The following PDE4D variants were observed in gnomAD, a reference collection of about 807,000 sequenced individuals.
The protein encoded by PDE4D is phosphodiesterase 4D.
In PDE4D, 24 loss-of-function variants were observed where a neutral mutation model predicts 87.4. That is an observed-to-expected ratio of 0.27 (90% CI 0.20 to 0.39). The LOEUF (loss-of-function observed/expected upper bound fraction) is 0.39. PDE4D is among the 10% of genes least tolerant of loss of function. The pLI, the probability that PDE4D is intolerant of heterozygous loss-of-function variation, is 1.00. For missense variants in PDE4D, 714 were observed against 1,041.0 expected (o/e 0.69, Z 4.32); for synonymous variants, 384 against 383.2 (o/e 1.00, Z -0.02).
chr5:59,950,732 T>C (rs1431150239), intron 3 of PDE4D, among the ~76,000 whole-genome samples: 1 of 152,132 alleles, frequency 6.6e-6, no homozygotes, highest in Non-Finnish European at 1.5e-5. Flanking sequence ...TAGTTAAAGT[T>C]TATTTTGTTG....
chr5:60,001,032 T>C (rs964231370), intron 2 of PDE4D, among the ~76,000 whole-genome samples: 4 of 152,160 alleles, frequency 2.6e-5, no homozygotes, highest in Non-Finnish European at 4.4e-5. Flanking sequence ...CAGAGATGTA[T>C]GCCCATCCAA....
At chr5:60,119,827 A>G (rs1384017085) in intron 2 of PDE4D, among the ~76,000 whole-genome samples, 1 of 152,224 alleles carries the variant, frequency 6.6e-6, no homozygotes, top group Non-Finnish European at 1.5e-5. Context: ...GTACATTCAG[A>G]TGTAAATAAA....
intron 1 of PDE4D, among the ~76,000 whole-genome samples, chr5:60,404,877 A>G (rs1741407801): frequency 6.6e-6 from 1 of 152,242 alleles, no homozygotes; most frequent in Non-Finnish European, 1.5e-5. Flanking sequence ...CCCTTCAGGT[A>G]GAACCCAGAT....
chr5:59,183,177 C>T (rs1028118157), intron 4 of PDE4D, among the ~76,000 whole-genome samples: 2 of 152,128 alleles, frequency 1.3e-5, no homozygotes, highest in East Asian at 1.9e-4. Flanking sequence ...CCAAAGAAGC[C>T]GATTTGGTTT....
At chr5:59,563,744 T>A (rs992781254) in intron 1 of PDE4D, among the ~76,000 whole-genome samples, 5 of 152,172 alleles carry the variant, frequency 3.3e-5, no homozygotes, top group African/African-American at 1.2e-4. Context: ...AACCATGCTC[T>A]TAGCCACCAA....
At position 58,975,219 on chromosome 5, in the gene PDE4D, TCAA is replaced by T. The variant is rs1293134469; in HGVS notation, c.2014-142_2014-140del. On this transcript the variant is annotated intron_variant, in intron 14 of 14. Transcript: ENST00000340635. This position sits in a 1 kb window ranked among gnomAD's most constrained non-coding sequence, Gnocchi z 4.2. ...TAGTTTGGTAAAATTGTCACTATTTTCAACAACAACAGACCATTTAAAGTAAAG... is the reference window on the plus strand; with the variant it reads ...TAGTTTGGTAAAATTGTCACTATTTTCAACAACAGACCATTTAAAGTAAAG... 11 of 503,602 alleles carry T rather than the reference TCAA, an allele frequency of 2.2e-5. No individual in the cohort carries two copies. The East Asian group carries it at 2.8e-4, about 13-fold the overall frequency. 31.2% of individuals were successfully genotyped at this position (503,602 alleles called of 1,614,324 possible).
intron 5 of PDE4D, chr5:59,125,137 G>A (rs996178756): frequency 8.3e-6 from 2 of 241,860 alleles, no homozygotes; most frequent in African/African-American, 4.6e-5. Flanking sequence ...TGCTCCTAGT[G>A]TTGCATTACA....
intron 1 of PDE4D, among the ~76,000 whole-genome samples, chr5:59,615,756 T>C (rs1001674612): frequency 2.0e-5 from 3 of 152,314 alleles, no homozygotes; most frequent in African/African-American, 7.2e-5. Context: ...CCCTAGTAAG[T>C]TTAAAATTCT....
At chr5:60,142,585 G>T (rs2149422626) in intron 2 of PDE4D, among the ~76,000 whole-genome samples, 1 of 152,302 alleles carries the variant, frequency 6.6e-6, no homozygotes, top group East Asian at 1.9e-4. Flanking sequence ...ATGAGCCAGG[G>T]TTCTGACAGC....
At chr5:60,371,154 T>C (rs948253009) in intron 1 of PDE4D, among the ~76,000 whole-genome samples, 5 of 152,234 alleles carry the variant, frequency 3.3e-5, no homozygotes, top group African/African-American at 1.2e-4. Flanking sequence ...GCTATCAGGA[T>C]CTACTCTGTA....
At chr5:59,822,282 C>G (rs1769783897) in intron 1 of PDE4D, among the ~76,000 whole-genome samples, 1 of 152,106 alleles carries the variant, frequency 6.6e-6, no homozygotes, top group South Asian at 2.1e-4. Flanking sequence ...AGACAATTCT[C>G]TTCATTGAAA....
intron 1 of PDE4D, among the ~76,000 whole-genome samples, chr5:60,400,907 G>T (rs1741024878): frequency 6.6e-6 from 1 of 152,208 alleles, no homozygotes; most frequent in African/African-American, 2.4e-5. Context: ...GGGGGATACA[G>T]AGGTGAAGTT....
intron 1 of PDE4D, among the ~76,000 whole-genome samples, chr5:60,461,376 C>A (rs746568057): frequency 1.6e-4 from 25 of 152,184 alleles, no homozygotes; most frequent in Non-Finnish European, 3.2e-4. Flanking sequence ...TGCACAGGGA[C>A]TCTATCTACA....
At chr5:59,986,305 C>A (rs754947054) in intron 3 of PDE4D, 2 of 152,544 alleles carry the variant, frequency 1.3e-5, no homozygotes, top group African/African-American at 2.4e-5. Context: ...ATCCCTGCCT[C>A]GGCCTCCCAA....
chr5:59,933,519 T>G (rs1019133572), intron 3 of PDE4D, among the ~76,000 whole-genome samples: 5 of 152,194 alleles, frequency 3.3e-5, no homozygotes, highest in African/African-American at 4.8e-5. Flanking sequence ...TCCTACTATG[T>G]GCCAAGACTC....
intron 5 of PDE4D, among the ~76,000 whole-genome samples, chr5:59,115,440 CT>C (rs1439780359): frequency 2.6e-5 from 4 of 152,156 alleles, no homozygotes; most frequent in Non-Finnish European, 5.9e-5. Flanking sequence ...TCAGTTGTGA[CT>C]TTCCCTGAAA....
intron 1 of PDE4D, among the ~76,000 whole-genome samples, chr5:60,474,105 CATATATATATATAT>C (rs1158022321): frequency 0.016 from 482 of 30,992 alleles, 17 homozygotes; most frequent in African/African-American, 0.03. Flanking sequence ...TTTGAGCTGC[CATATATATATATAT>C]ATATATATAT....
intron 1 of PDE4D, chr5:59,768,612 G>A: frequency 6.5e-7 from 1 of 1,542,968 alleles, no homozygotes; most frequent in Non-Finnish European, 8.7e-7. Flanking sequence ...GCCTGCTGCT[G>A]TTAGTGCATT....
intron 1 of PDE4D, among the ~76,000 whole-genome samples, chr5:60,365,879 A>G (rs1001812344): frequency 4.6e-5 from 7 of 152,004 alleles, no homozygotes; most frequent in Non-Finnish European, 1.0e-4. Context: ...CCCCATCTCT[A>G]CTAAAAATAC....
Sources: gnomAD v4.1 joint callset for allele counts (sites outside exome capture counted in the v4.1 genomes callset) on GRCh38, gnomAD v4.1.1 for gene constraint, Gnocchi (gnomAD v3.1) non-coding constraint, MANE v1.5 for transcripts, NCBI Gene and HGNC (gene_info 2026-07-23, HGNC 2026-07-21) for gene names.